RABGAP1L: variants seen among roughly 807,000 people sequenced by gnomAD.
RABGAP1L encodes the protein RAB GTPase activating protein 1 like, also known as rab GTPase-activating protein 1-like.
RABGAP1L carries 63 observed loss-of-function variants against 137.7 expected under a neutral mutation model. That is an observed-to-expected ratio of 0.46 (90% CI 0.37 to 0.56). RABGAP1L has a LOEUF of 0.56. Ranked by LOEUF, RABGAP1L falls within the 20% of genes least tolerant of loss-of-function variation. The pLI, the probability that RABGAP1L is intolerant of heterozygous loss-of-function variation, is 0.00. For synonymous variants in RABGAP1L, 431 were observed against 433.7 expected (o/e 0.99, Z 0.08); for missense variants, 1,095 against 1,244.0 (o/e 0.88, Z 1.80).
chr1:174,441,491 T>C (rs1421938207), intron 13 of RABGAP1L, among the ~76,000 whole-genome samples: 1 of 152,010 alleles, frequency 6.6e-6, no homozygotes, highest in African/African-American at 2.4e-5. Context: ...TCCCAGCACT[T>C]TGGGAGGCTG....
At chr1:174,331,159 C>G in intron 11 of RABGAP1L, among the ~76,000 whole-genome samples, 1 of 151,218 alleles carries the variant, frequency 6.6e-6, no homozygotes, top group South Asian at 2.1e-4. Context: ...AACTAGGCCC[C>G]TCTCTCTCTC....
intron 19 of RABGAP1L, among the ~76,000 whole-genome samples, chr1:174,915,790 A>T (rs971342073): frequency 6.6e-6 from 1 of 152,130 alleles, no homozygotes; most frequent in Admixed American, 6.6e-5. Context: ...TTGTCTTCCT[A>T]TTGAGTCATG....
intron 19 of RABGAP1L, among the ~76,000 whole-genome samples, chr1:174,911,781 A>G (rs1056817257): frequency 6.6e-6 from 1 of 152,240 alleles, no homozygotes. Context: ...TAGAATGGCC[A>G]TAAAGATGAC....
intron 1 of RABGAP1L, among the ~76,000 whole-genome samples, chr1:174,166,717 T>C (rs1179288015): frequency 6.6e-6 from 1 of 152,248 alleles, no homozygotes; most frequent in South Asian, 2.1e-4. Context: ...TTACTGCTTC[T>C]AATTAAATAG....
chr1:174,333,733 G>A (rs963718541), intron 11 of RABGAP1L, among the ~76,000 whole-genome samples: 3 of 152,178 alleles, frequency 2.0e-5, no homozygotes, highest in African/African-American at 7.2e-5. Flanking sequence ...TTTTATTAGG[G>A]TAGGGCAACC....
At chr1:174,830,781 G>A (rs1264302443) in intron 19 of RABGAP1L, among the ~76,000 whole-genome samples, 3 of 148,096 alleles carry the variant, frequency 2.0e-5, no homozygotes, top group African/African-American at 7.4e-5. Flanking sequence ...CTGGTGAGCT[G>A]TTATTTTTCA....
At chr1:174,352,393 A>G (rs1325786958) in intron 11 of RABGAP1L, among the ~76,000 whole-genome samples, 1 of 152,064 alleles carries the variant, frequency 6.6e-6, no homozygotes, top group Non-Finnish European at 1.5e-5. Flanking sequence ...TGAATTTTTC[A>G]GCTCCAGAAT....
chr1:174,425,165 C>A (rs1651808128), intron 13 of RABGAP1L, among the ~76,000 whole-genome samples: 1 of 151,910 alleles, frequency 6.6e-6, no homozygotes, highest in East Asian at 1.9e-4. Flanking sequence ...CCTGTATAAC[C>A]AATAGATAGT....
intron 14 of RABGAP1L, among the ~76,000 whole-genome samples, chr1:174,667,487 T>C (rs1676873748): frequency 6.6e-6 from 1 of 152,196 alleles, no homozygotes; most frequent in African/African-American, 2.4e-5. Context: ...TTGCATCTCA[T>C]AGGACTTGTG....
intron 19 of RABGAP1L, among the ~76,000 whole-genome samples, chr1:174,907,672 CATG>C (rs1335172142): frequency 6.6e-6 from 1 of 151,642 alleles, no homozygotes; most frequent in Non-Finnish European, 1.5e-5. Context: ...TTTTTTTTCT[CATG>C]ATAAGCACAG....
intron 13 of RABGAP1L, among the ~76,000 whole-genome samples, chr1:174,557,597 G>C (rs1475769650): frequency 6.6e-6 from 1 of 152,158 alleles, no homozygotes; most frequent in Non-Finnish European, 1.5e-5. Flanking sequence ...ATATCATCCT[G>C]TTGTTCTCAT....
At chr1:174,340,167 A>G (rs1200511657) in intron 11 of RABGAP1L, among the ~76,000 whole-genome samples, 2 of 152,226 alleles carry the variant, frequency 1.3e-5, no homozygotes, top group Non-Finnish European at 2.9e-5. Flanking sequence ...TTATTAATGT[A>G]AAGAGACATT....
intron 13 of RABGAP1L, among the ~76,000 whole-genome samples, chr1:174,597,472 T>G (rs893367642): frequency 6.6e-6 from 1 of 152,140 alleles, no homozygotes; most frequent in African/African-American, 2.4e-5. Flanking sequence ...ATTTGTCCAT[T>G]TCTTCTAGGT....
chr1:174,770,671 C>T (rs908960806), intron 18 of RABGAP1L, among the ~76,000 whole-genome samples: 2 of 152,132 alleles, frequency 1.3e-5, no homozygotes, highest in Non-Finnish European at 2.9e-5. Flanking sequence ...TTTAAGCTTC[C>T]ATCCCTTTTA....
intron 18 of RABGAP1L, among the ~76,000 whole-genome samples, chr1:174,800,956 G>T (rs1303786536): frequency 6.6e-6 from 1 of 152,086 alleles, no homozygotes; most frequent in Non-Finnish European, 1.5e-5. Flanking sequence ...TTTGTTTTTT[G>T]ATAGAGAATT....
intron 18 of RABGAP1L, among the ~76,000 whole-genome samples, chr1:174,793,383 AAGGTTAG>A (rs927583157): frequency 1.1e-4 from 17 of 152,338 alleles, no homozygotes; most frequent in African/African-American, 3.6e-4. Context: ...TAAATTTTAC[AAGGTTAG>A]AGCATTCCTA....
intron 14 of RABGAP1L, among the ~76,000 whole-genome samples, chr1:174,682,317 T>TACACAC (rs531495515): frequency 2.0e-5 from 3 of 148,546 alleles, no homozygotes; most frequent in Admixed American, 1.3e-4. Context: ...TATATATATA[T>TACACAC]ACACACACAC....
chr1:174,852,511 T>A (rs1648541671), intron 19 of RABGAP1L, among the ~76,000 whole-genome samples: 1 of 152,194 alleles, frequency 6.6e-6, no homozygotes, highest in South Asian at 2.1e-4. Context: ...AAAAGATTTA[T>A]CTGTGATAAA....
At chr1:174,944,251 T>C (rs941717552) in intron 19 of RABGAP1L, among the ~76,000 whole-genome samples, 1 of 119,406 alleles carries the variant, frequency 8.4e-6, no homozygotes, top group African/African-American at 3.3e-5. Flanking sequence ...CATTCCAGCC[T>C]GGGCAACAGA....
Sources: allele counts gnomAD v4.1 joint callset (sites outside exome capture counted in the v4.1 genomes callset), GRCh38; gene constraint gnomAD v4.1.1; transcripts MANE v1.5; gene names NCBI Gene and HGNC (gene_info 2026-07-23, HGNC 2026-07-21).